RGS12: variants seen among roughly 807,000 people sequenced by gnomAD.
RGS12 encodes the protein regulator of G-protein signaling 12.
In RGS12, 66 loss-of-function variants were observed where a neutral mutation model predicts 120.1. The observed-to-expected ratio is 0.55, with a 90% CI of 0.45 to 0.67. RGS12 has a LOEUF of 0.67. RGS12 is among the 30% of genes least tolerant of loss of function. RGS12 has a pLI of 0.00. For synonymous variants in RGS12, 827 were observed against 804.7 expected (o/e 1.03, Z -0.47); for missense variants, 1,859 against 1,957.7 (o/e 0.95, Z 0.95).
chr4:3,431,457 C>G, intron 17 of RGS12: 1 of 990,424 alleles, frequency 1.0e-6, no homozygotes. Flanking sequence ...CAGCTCGGAC[C>G]CACCGGCGGC....
rs118170475 is a variant in RGS12 at position 3,340,452 on chromosome 4, G to A, written c.1882-2485G>A. On this transcript the variant is annotated intron_variant, in intron 2 of 17. Coordinates refer to ENST00000336727, the MANE Select transcript of RGS12 (RefSeq NM_001394154.1). ...CAAGAGGGGTTGTTTGGGTTGAGGG[G>A]TCAGGGGAGGGAAGAACATGCACAA... 3.1e-3 allele frequency among the ~76,000 whole-genome samples: 467 copies of A among 152,342 alleles called. 9 individuals are homozygous for A. In the East Asian group the frequency reaches 0.049, roughly 16 times the overall value.
intron 17 of RGS12, among the ~76,000 whole-genome samples, chr4:3,432,682 G>A (rs1036662994): frequency 2.6e-5 from 4 of 152,252 alleles, no homozygotes; most frequent in African/African-American, 9.6e-5. Context: ...ACCGGCCTTG[G>A]GAGGAGCAGG....
At chr4:3,310,567 C>T (rs1724327205) in intron 1 of RGS12, among the ~76,000 whole-genome samples, 1 of 152,146 alleles carries the variant, frequency 6.6e-6, no homozygotes, top group Non-Finnish European at 1.5e-5. Context: ...GAAGAGTGGC[C>T]AGGGACTTGG....
intron 6 of RGS12, among the ~76,000 whole-genome samples, chr4:3,415,107 C>T (rs1194079264): frequency 7.6e-5 from 6 of 78,796 alleles, no homozygotes; most frequent in African/African-American, 3.1e-4. Flanking sequence ...TGAGAGGTCG[C>T]GTGTGAGAGG....
chr4:3,386,883 G>C lies in RGS12; in HGVS notation c.2020+446G>C, dbSNP rs144460631. On this transcript the variant is annotated intron_variant, in intron 4 of 17. Transcript: ENST00000336727. ...GAAAAGTATAATAGACGAATTGAGA[G>C]TGTGGGATGAAGAGGAATCAAAAAC... 6.4e-4 allele frequency among the ~76,000 whole-genome samples: 97 copies of C among 152,354 alleles called. 1 individual carries two copies. The highest frequency in any genetic ancestry group is 1.6e-3 in the Admixed American group (25 of 15,308).
chr4:3,421,999 G>A (rs569338492), intron 10 of RGS12, among the ~76,000 whole-genome samples: 2 of 152,352 alleles, frequency 1.3e-5, no homozygotes, highest in Admixed American at 1.3e-4. Flanking sequence ...ATGGGGAGCT[G>A]TGTATAGAGA....
At chr4:3,404,080 C>A (rs1012742493) in intron 4 of RGS12, among the ~76,000 whole-genome samples, 1 of 152,172 alleles carries the variant, frequency 6.6e-6, no homozygotes, top group Non-Finnish European at 1.5e-5. Context: ...TGGAGGGTAG[C>A]GAGATGGCAT....
rs116848645 is a variant in RGS12 at position 3,344,166 on chromosome 4, G to A, written c.1998+1113G>A. ...CTCCTGCTCTTCCAGGAGAAAAGGT[G>A]GCTTCAGGGATGGCAGGGGTCCTGG... On this transcript the variant is annotated intron_variant, in intron 3 of 17. Transcript: ENST00000336727. 9.0e-3 allele frequency among the ~76,000 whole-genome samples: 1,377 copies of A among 152,330 alleles called. 34 individuals are homozygous for A. The East Asian group carries it at 0.1, about 12-fold the overall frequency.
chr4:3,436,470 A>C (rs1328409313), intron 17 of RGS12, among the ~76,000 whole-genome samples: 3 of 152,106 alleles, frequency 2.0e-5, no homozygotes, highest in Non-Finnish European at 2.9e-5. Flanking sequence ...GGCTGAGCAA[A>C]GTGCCTGGGG....
intron 2 of RGS12, among the ~76,000 whole-genome samples, chr4:3,336,319 A>G (rs149279842): frequency 1.3e-5 from 2 of 152,122 alleles, no homozygotes; most frequent in Non-Finnish European, 2.9e-5. Context: ...CCATCCCTCA[A>G]TACCAAGCTA....
At chr4:3,410,815 G>C (rs1022296416) in intron 4 of RGS12, among the ~76,000 whole-genome samples, 2 of 152,204 alleles carry the variant, frequency 1.3e-5, no homozygotes, top group African/African-American at 4.8e-5. Context: ...CTACCTGGTG[G>C]CTGCCTGTAC....
At chr4:3,417,192 C>T (rs145367963) in intron 8 of RGS12, 100 bp downstream of exon 8, 1 of 1,369,968 alleles carries the variant, frequency 7.3e-7, no homozygotes, top group African/African-American at 1.5e-5. Flanking sequence ...GGCGTCTTCA[C>T]CAGTGGTGGG....
intron 1 of RGS12, among the ~76,000 whole-genome samples, chr4:3,302,340 G>A (rs745520990): frequency 1.3e-5 from 2 of 148,524 alleles, no homozygotes; most frequent in African/African-American, 2.5e-5. Flanking sequence ...TCAGGTTGGC[G>A]CCTGTGACGT....
At chr4:3,342,907 T>C in intron 2 of RGS12, 30 bp from the exon 3 acceptor site, 1 of 1,447,682 alleles carries the variant, frequency 6.9e-7, no homozygotes. Flanking sequence ...TGCAAAAGAA[T>C]AACCTGATGC....
intron 2 of RGS12, among the ~76,000 whole-genome samples, chr4:3,334,166 T>C (rs1383730981): frequency 6.6e-6 from 1 of 152,262 alleles, no homozygotes; most frequent in East Asian, 1.9e-4. Context: ...TATAATTGAC[T>C]AGTTGCTTTT....
chr4:3,397,291 C>T (rs1168617097), intron 4 of RGS12, among the ~76,000 whole-genome samples: 1 of 152,204 alleles, frequency 6.6e-6, no homozygotes, highest in African/African-American at 2.4e-5. Flanking sequence ...GCCACACTGG[C>T]TGCGATAGAA....
At chr4:3,308,474 G>A (rs746700366) in intron 1 of RGS12, among the ~76,000 whole-genome samples, 9 of 152,186 alleles carry the variant, frequency 5.9e-5, no homozygotes, top group Non-Finnish European at 1.3e-4. Context: ...CGGGGCTAGC[G>A]ATTCGTACTT....
At chr4:3,420,533 G>GA in intron 9 of RGS12, 109 bp from the exon 10 acceptor site, 1 of 985,246 alleles carries the variant, frequency 1.0e-6, no homozygotes, top group Admixed American at 2.0e-5. Flanking sequence ...TGGGTGGGGG[G>GA]GGCTTCCTGG....
intron 6 of RGS12, 100 bp downstream of exon 6, chr4:3,414,944 GA>G: frequency 1.2e-6 from 1 of 854,486 alleles, no homozygotes; most frequent in Non-Finnish European, 1.9e-6. Context: ...AGGGGCATGT[GA>G]GGGGTGTGTG....
Sources: gnomAD v4.1 joint callset for allele counts (sites outside exome capture counted in the v4.1 genomes callset) on GRCh38, gnomAD v4.1.1 for gene constraint, MANE v1.5 for transcripts, NCBI Gene and HGNC (gene_info 2026-07-23, HGNC 2026-07-21) for gene names.